CNTNAP5: variants seen among roughly 807,000 people sequenced by gnomAD.
CNTNAP5 encodes the protein contactin associated protein family member 5.
CNTNAP5 carries 72 observed loss-of-function variants against 150.2 expected under a neutral mutation model. That is an observed-to-expected ratio of 0.48 (90% CI 0.40 to 0.58). The LOEUF is 0.58. CNTNAP5 is among the 20% of genes least tolerant of loss of function. The probability of loss-of-function intolerance (pLI) is 0.00; values close to 1 mark genes in which losing one functional copy is unlikely to be tolerated. For missense variants in CNTNAP5, 1,636 were observed against 1,626.2 expected, an observed-to-expected ratio of 1.01 and a Z score of -0.10; for synonymous variants, 672 against 619.8, an observed-to-expected ratio of 1.08 and a Z score of -1.25.
chr2:124,723,811 C>CGCCCAAACA (rs947480439), intron 13 of CNTNAP5, among the ~76,000 whole-genome samples: 3 of 151,994 alleles, frequency 2.0e-5, no homozygotes, highest in Non-Finnish European at 4.4e-5. Flanking sequence ...GATTTGAACC[C>CGCCCAAACA]GCCCAAACAG....
intron 3 of CNTNAP5, among the ~76,000 whole-genome samples, chr2:124,326,518 G>A (rs377002651): frequency 6.6e-6 from 1 of 152,182 alleles, no homozygotes; most frequent in Non-Finnish European, 1.5e-5. Flanking sequence ...GTTTATTAAA[G>A]CAGCTAAGAA....
At chr2:124,042,569 C>T (rs561598212) in intron 1 of CNTNAP5, among the ~76,000 whole-genome samples, 1 of 152,224 alleles carries the variant, frequency 6.6e-6, no homozygotes, top group Non-Finnish European at 1.5e-5. Flanking sequence ...GGACTAGGAA[C>T]TGCAAAGGTA....
intron 3 of CNTNAP5, among the ~76,000 whole-genome samples, chr2:124,400,671 T>TG (rs1691389583): frequency 3.5e-5 from 3 of 86,156 alleles, no homozygotes; most frequent in Non-Finnish European, 5.9e-5. Context: ...AAGGCATTGT[T>TG]TTTTTTTTTT....
At chr2:124,561,369 C>T (rs554873052) in intron 10 of CNTNAP5, among the ~76,000 whole-genome samples, 1 of 152,196 alleles carries the variant, frequency 6.6e-6, no homozygotes, top group African/African-American at 2.4e-5. Flanking sequence ...GACATCAAGG[C>T]TCTAAGTTTT....
At chr2:124,547,320 G>C (rs1196564850) in intron 10 of CNTNAP5, among the ~76,000 whole-genome samples, 1 of 152,170 alleles carries the variant, frequency 6.6e-6, no homozygotes, top group Non-Finnish European at 1.5e-5. Context: ...TCTAAGAACT[G>C]ACTATCTGTA....
chr2:124,773,762 C>T (rs1480249869), intron 17 of CNTNAP5, among the ~76,000 whole-genome samples: 1 of 151,772 alleles, frequency 6.6e-6, no homozygotes, highest in Non-Finnish European at 1.5e-5. Flanking sequence ...TTATAATCCT[C>T]TGGTGTGTGT....
intron 3 of CNTNAP5, among the ~76,000 whole-genome samples, chr2:124,336,497 T>C (rs1156533411): frequency 2.0e-5 from 3 of 150,864 alleles, no homozygotes; most frequent in Non-Finnish European, 3.0e-5. Context: ...TAACATTAGG[T>C]ATATCTCCTA....
rs1289680657 is a variant in CNTNAP5 at position 124,699,295 on chromosome 2, T to G, written c.2078-47934T>G. Among the ~76,000 whole-genome samples, 5 of 152,132 alleles carry G rather than the reference T, an allele frequency of 3.3e-5. No homozygotes were observed. The East Asian group carries it at 9.6e-4, about 29-fold the overall frequency. On this transcript the variant is annotated intron_variant, in intron 13 of 23. Transcript: ENST00000682447. ...TCATCCTGACACAGATACATTCACT[T>G]TCATGCTTATATGCTTTGGATGCGT...
chr2:124,029,830 C>T (rs1010724871), intron 1 of CNTNAP5, among the ~76,000 whole-genome samples: 2 of 152,026 alleles, frequency 1.3e-5, no homozygotes, highest in African/African-American at 4.8e-5. Context: ...AGTTGATAAG[C>T]CAGAACTTCA....
chr2:124,594,460 T>C (rs1318346177), intron 11 of CNTNAP5, among the ~76,000 whole-genome samples: 2 of 152,228 alleles, frequency 1.3e-5, no homozygotes, highest in East Asian at 1.9e-4. Flanking sequence ...TAAGTGGTGT[T>C]ATTTCTGAGG....
intron 8 of CNTNAP5, among the ~76,000 whole-genome samples, chr2:124,515,022 G>A (rs372200901): frequency 3.9e-5 from 6 of 152,296 alleles, no homozygotes; most frequent in South Asian, 2.1e-4. Flanking sequence ...CAAATGCATC[G>A]TGAGTTCCTA....
At chr2:124,759,938 CTTTTTTTTTTTTT>C (rs571408475) in intron 14 of CNTNAP5, among the ~76,000 whole-genome samples, 2 of 83,646 alleles carry the variant, frequency 2.4e-5, no homozygotes, top group African/African-American at 4.6e-5. Context: ...ACTCCTCGGT[CTTTTTTTTTTTTT>C]TTTTTTTTTT....
At chr2:124,224,825 G>A (rs1039219844) in intron 2 of CNTNAP5, among the ~76,000 whole-genome samples, 1 of 151,978 alleles carries the variant, frequency 6.6e-6, no homozygotes, top group Admixed American at 6.6e-5. Context: ...TATAATTTTT[G>A]TTTATATTGG....
At chr2:124,611,477 C>A (rs1452215497) in intron 12 of CNTNAP5, among the ~76,000 whole-genome samples, 1 of 152,134 alleles carries the variant, frequency 6.6e-6, no homozygotes, top group East Asian at 1.9e-4. Context: ...TTCAAAAGCC[C>A]TGTAACATAA....
At chr2:124,104,705 T>G (rs931334002) in intron 1 of CNTNAP5, among the ~76,000 whole-genome samples, 1 of 152,148 alleles carries the variant, frequency 6.6e-6, no homozygotes. Flanking sequence ...CGCATTACCA[T>G]GAGTGGACTC....
At chr2:124,502,702 A>G (rs910871458) in intron 7 of CNTNAP5, among the ~76,000 whole-genome samples, 3 of 152,192 alleles carry the variant, frequency 2.0e-5, no homozygotes, top group Non-Finnish European at 4.4e-5. Flanking sequence ...TGATGTTTTT[A>G]TTCTTGAAAG....
At position 124,914,179 on chromosome 2, in the gene CNTNAP5, C is replaced by T. The variant is rs559244741; in HGVS notation, c.3815C>T (p.Thr1272Met). Residue 1272 changes from threonine to methionine, a missense_variant, in exon 24 of 24, where the codon ACG becomes ATG. Thr to Met is a moderately conservative substitution (Grantham distance 81). Transcript: ENST00000682447. Reference sequence around the variant, plus strand: ...TACCAGCACAAGCAGTCACATCGTACGAGCCAGATGAAGGAGAAGGAATAT... The same window carrying T: ...TACCAGCACAAGCAGTCACATCGTATGAGCCAGATGAAGGAGAAGGAATAT... ...FLYQHKQSHRTSQMKEKEYPE... is the reference protein window; with the variant it reads ...FLYQHKQSHRMSQMKEKEYPE... The T allele has an allele frequency of 4.2e-5, 68 of 1,612,290 alleles. No homozygotes were observed. Among genetic ancestry groups the T allele is most frequent in the Admixed American group, 8.3e-5 (5 of 59,890 alleles).
At chr2:124,857,748 A>AC (rs1027889198) in intron 19 of CNTNAP5, among the ~76,000 whole-genome samples, 1 of 152,006 alleles carries the variant, frequency 6.6e-6, no homozygotes, top group African/African-American at 2.4e-5. Flanking sequence ...AATTGCTTGA[A>AC]CCTGGGAGGC....
chr2:124,350,937 A>G (rs1007162641), intron 3 of CNTNAP5, among the ~76,000 whole-genome samples: 4 of 152,052 alleles, frequency 2.6e-5, no homozygotes, highest in African/African-American at 9.7e-5. Flanking sequence ...TTCCTCAAAG[A>G]GGCTCCTGCC....
Sources: allele counts gnomAD v4.1 joint callset (sites outside exome capture counted in the v4.1 genomes callset), GRCh38; gene constraint gnomAD v4.1.1; transcripts MANE v1.5; gene names NCBI Gene and HGNC (gene_info 2026-07-23, HGNC 2026-07-21).